ADAMTS16: variants seen among roughly 807,000 people sequenced by gnomAD.
The protein encoded by ADAMTS16 is A disintegrin and metalloproteinase with thrombospondin motifs 16.
Under a neutral mutation model 145.8 loss-of-function variants are expected in ADAMTS16, and 94 were observed. The observed-to-expected ratio is 0.64, with a 90% CI of 0.55 to 0.77. ADAMTS16 has a LOEUF of 0.77. Among genes scored for constraint, ADAMTS16 ranks in the 30% least tolerant of loss-of-function variants. The pLI is 0.00. For missense variants in ADAMTS16, 1,585 were observed against 1,591.5 expected (o/e 1.00, Z 0.07); for synonymous variants, 659 against 604.3 (o/e 1.09, Z -1.33).
At chr5:5,199,235 A>T (rs73735740) in intron 8 of ADAMTS16, among the ~76,000 whole-genome samples, 27,606 of 152,072 alleles carry the variant, frequency 0.18, 2,977 homozygotes, top group African/African-American at 0.3. Context: ...TGTGATTCTC[A>T]CAGGTGCACG....
At chr5:5,196,752 A>G (rs1021733175) in intron 8 of ADAMTS16, among the ~76,000 whole-genome samples, 1 of 152,090 alleles carries the variant, frequency 6.6e-6, no homozygotes, top group African/African-American at 2.4e-5. Context: ...GAAGTTTTGA[A>G]TTTTCCTTTC....
intron 3 of ADAMTS16, among the ~76,000 whole-genome samples, chr5:5,166,227 C>T (rs1049524794): frequency 6.6e-6 from 1 of 151,078 alleles, no homozygotes; most frequent in African/African-American, 2.5e-5. Flanking sequence ...ACTCTCTCCC[C>T]CTGCCCCACT....
chr5:5,186,046 C>T lies in ADAMTS16; in HGVS notation c.764-6C>T, dbSNP rs1010738023. On this transcript the variant is annotated splice_region_variant and splice_polypyrimidine_tract_variant and intron_variant, in intron 4 of 22. Transcript: ENST00000274181. ...TTCCATTTGCCCTCCATGTGTCCCT[C>T]CATAGACATGCCCCAGCCTCCCAAG... is the stretch of plus-strand genomic sequence containing the variant. The T allele has an allele frequency of 1.2e-6, 2 of 1,610,934 alleles. No homozygotes were observed. The highest frequency in any genetic ancestry group is 2.7e-5 in the African/African-American group (2 of 74,878).
chr5:5,182,456 G>A, intron 4 of ADAMTS16, 151 bp downstream of exon 4: 1 of 1,011,292 alleles, frequency 9.9e-7, no homozygotes, highest in Non-Finnish European at 1.4e-6. Context: ...TCCAGAGAGA[G>A]TCCCTTATCT....
chr5:5,175,733 T>A (rs780315084), intron 3 of ADAMTS16, among the ~76,000 whole-genome samples: 10 of 152,170 alleles, frequency 6.6e-5, no homozygotes, highest in Non-Finnish European at 1.2e-4. Flanking sequence ...GTCTAAATGT[T>A]CCGTCTGTGG....
chr5:5,257,756 T>C (rs1737843030), intron 17 of ADAMTS16, among the ~76,000 whole-genome samples: 1 of 152,180 alleles, frequency 6.6e-6, no homozygotes, highest in African/African-American at 2.4e-5. Flanking sequence ...TCAGTTCTGA[T>C]ACTGACTACC....
chr5:5,244,059 G>A (rs1156748652), intron 17 of ADAMTS16, among the ~76,000 whole-genome samples: 1 of 152,202 alleles, frequency 6.6e-6, no homozygotes, highest in African/African-American at 2.4e-5. Flanking sequence ...AGTACAGGAT[G>A]TCTGTATTTC....
Position 5,306,532 on chromosome 5 carries a change from A to C in ADAMTS16, c.3215A>C (p.Gln1072Pro). The C allele has an allele frequency of 6.2e-7, 1 of 1,614,000 alleles. No individual in the cohort carries two copies. The highest frequency in any genetic ancestry group is 1.1e-5 in the South Asian group (1 of 91,078). ...TCTGTGACATGTGAAAGAGGAACACAGAAAAGATTCTTAAAATGTGCTGAA... is the reference window on the plus strand; with the variant it reads ...TCTGTGACATGTGAAAGAGGAACACCGAAAAGATTCTTAAAATGTGCTGAA... The part of the protein sequence containing the change: ...QCSVTCERGT[Q>P]KRFLKCAEKY... The change falls in exon 21 of 23, where the codon CAG becomes CCG. Residue 1072 changes from glutamine to proline, a missense_variant. Gln to Pro is a moderately conservative substitution (Grantham distance 76, BLOSUM62 -1). Transcript: ENST00000274181.
At position 5,182,115 on chromosome 5, in the gene ADAMTS16, C is replaced by A; in HGVS notation, c.573C>A (p.Leu191=). ...RPLPSHLSWK[L]GRAAQGSSPS... ...TTCCTTCACACCTCTCATGGAAACTCGGCAGAGCTGCCCAAGGCAGCTCGC... is the reference window on the plus strand; with the variant it reads ...TTCCTTCACACCTCTCATGGAAACTAGGCAGAGCTGCCCAAGGCAGCTCGC... Residue 191 remains leucine (L), a synonymous_variant, in exon 4 of 23, where the codon CTC becomes CTA. Coordinates refer to ENST00000274181, the MANE Select transcript of ADAMTS16 (RefSeq NM_139056.4). 6.2e-7 allele frequency: 1 copy of A among 1,614,064 alleles called. No individual in the cohort carries two copies. The highest frequency in any genetic ancestry group is 8.5e-7 in the Non-Finnish European group (1 of 1,180,034).
At chr5:5,282,437 A>C (rs1425046099) in intron 18 of ADAMTS16, among the ~76,000 whole-genome samples, 1 of 152,226 alleles carries the variant, frequency 6.6e-6, no homozygotes, top group Non-Finnish European at 1.5e-5. Flanking sequence ...TACCAACAAC[A>C]TTTATTGAAA....
intron 11 of ADAMTS16, among the ~76,000 whole-genome samples, chr5:5,224,808 T>C (rs1454233290): frequency 1.3e-5 from 2 of 152,188 alleles, no homozygotes; most frequent in Non-Finnish European, 1.5e-5. Context: ...CTTTGAGCTA[T>C]TGCCTGCATG....
chr5:5,287,535 T>G (rs1739147552), intron 18 of ADAMTS16, among the ~76,000 whole-genome samples: 1 of 152,146 alleles, frequency 6.6e-6, no homozygotes, highest in Admixed American at 6.5e-5. Context: ...CGACTCCCAG[T>G]TTTGTTTAGC....
intron 3 of ADAMTS16, among the ~76,000 whole-genome samples, chr5:5,149,658 C>G (rs1435159384): frequency 6.6e-6 from 1 of 152,142 alleles, no homozygotes; most frequent in African/African-American, 2.4e-5. Flanking sequence ...GTGCAAATTT[C>G]ACTAGAATCT....
At chr5:5,175,568 C>T (rs553738015) in intron 3 of ADAMTS16, among the ~76,000 whole-genome samples, 1 of 152,172 alleles carries the variant, frequency 6.6e-6, no homozygotes, top group Non-Finnish European at 1.5e-5. Context: ...CAACATGGCA[C>T]CAGAACTTGC....
chr5:5,170,847 C>A (rs1281403787), intron 3 of ADAMTS16, among the ~76,000 whole-genome samples: 1 of 152,016 alleles, frequency 6.6e-6, no homozygotes, highest in Admixed American at 6.6e-5. Flanking sequence ...CTTTGCTGTG[C>A]AGAAGCTTTT....
At chr5:5,252,190 A>C (rs1425906201) in intron 17 of ADAMTS16, among the ~76,000 whole-genome samples, 1 of 152,172 alleles carries the variant, frequency 6.6e-6, no homozygotes, top group Non-Finnish European at 1.5e-5. Flanking sequence ...TACAATGCAC[A>C]GGAAAGTCGC....
intron 21 of ADAMTS16, among the ~76,000 whole-genome samples, chr5:5,311,308 AAAAAAAAAAC>A (rs1740421596): frequency 1.0e-5 from 1 of 97,358 alleles, no homozygotes; most frequent in African/African-American, 3.8e-5. Flanking sequence ...GGCAAAAAAA[AAAAAAAAAAC>A]AAAAAAACAA....
At chr5:5,284,733 C>T (rs979360180) in intron 18 of ADAMTS16, among the ~76,000 whole-genome samples, 1 of 152,172 alleles carries the variant, frequency 6.6e-6, no homozygotes, top group Non-Finnish European at 1.5e-5. Flanking sequence ...TTGCTTAAGT[C>T]GGTCTTCTTC....
At chr5:5,272,360 A>ATT (rs11444357) in intron 18 of ADAMTS16, among the ~76,000 whole-genome samples, 24,510 of 122,464 alleles carry the variant, frequency 0.2, 3,499 homozygotes, top group East Asian at 0.32. Flanking sequence ...ATTCCAAAGG[A>ATT]TTTTTTTTTT....
Sources: gnomAD v4.1 joint callset for allele counts (sites outside exome capture counted in the v4.1 genomes callset) on GRCh38, gnomAD v4.1.1 for gene constraint, MANE v1.5 for transcripts, NCBI Gene and HGNC (gene_info 2026-07-23, HGNC 2026-07-21) for gene names.